BCAR3: variants seen among roughly 807,000 people sequenced by gnomAD.
The protein encoded by BCAR3 is breast cancer anti-estrogen resistance protein 3.
A neutral mutation model predicts 80.1 loss-of-function variants in BCAR3; 37 were observed. That is an observed-to-expected ratio of 0.46 (90% confidence interval 0.36 to 0.61). The LOEUF (loss-of-function observed/expected upper bound fraction) is 0.61, where lower values mean the gene tolerates loss of function less well. Ranked by LOEUF, BCAR3 falls within the 20% of genes least tolerant of loss-of-function variation. BCAR3 has a pLI of 0.00. For synonymous variants in BCAR3, 389 were observed against 418.9 expected (o/e 0.93, Z 0.87); for missense variants, 978 against 1,068.2 (o/e 0.92, Z 1.18).
chr1:93,703,988 T>G (rs1649739950), intron 3 of BCAR3, among the ~76,000 whole-genome samples: 1 of 152,228 alleles, frequency 6.6e-6, no homozygotes, highest in Non-Finnish European at 1.5e-5. Flanking sequence ...AATTAAACAT[T>G]CAGTTATTCA....
chr1:93,824,358 T>C (rs1024776517), intron 2 of BCAR3, among the ~76,000 whole-genome samples: 2 of 134,254 alleles, frequency 1.5e-5, no homozygotes, highest in Middle Eastern at 7.8e-3. Flanking sequence ...TCTAAAGCAC[T>C]GTTGGCACTG....
At chr1:93,695,380 C>T (rs1214635415) in intron 3 of BCAR3, among the ~76,000 whole-genome samples, 1 of 152,156 alleles carries the variant, frequency 6.6e-6, no homozygotes, top group Non-Finnish European at 1.5e-5. Context: ...CACTCCTTTT[C>T]CCCCTACAAT....
chr1:93,705,539 A>G (rs552145336), intron 3 of BCAR3, among the ~76,000 whole-genome samples: 1 of 152,340 alleles, frequency 6.6e-6, no homozygotes, highest in Admixed American at 6.5e-5. Flanking sequence ...CACTAGGGTT[A>G]AGAGGAGCAA....
Position 93,837,745 on chromosome 1 carries a change from GGAGC to G in BCAR3, c.-63+7818_-63+7821del, listed in dbSNP as rs148875618. Among the ~76,000 whole-genome samples the G allele has an allele frequency of 8.7e-3, 1,330 of 152,240 alleles. 17 individuals are homozygous for G. The highest frequency in any genetic ancestry group is 0.031 in the African/African-American group (1,287 of 41,534). On this transcript the variant is annotated intron_variant, in intron 2 of 13. Coordinates refer to the BCAR3 transcript ENST00000370244. ...TTCTTTGTTTTCTGGCTTGCAACTT[GGAGC>G]CACATTCTCACATTCTAGGTGCCAT...
intron 2 of BCAR3, among the ~76,000 whole-genome samples, chr1:93,778,799 C>T (rs1004797898): frequency 3.9e-5 from 6 of 152,108 alleles, no homozygotes; most frequent in Non-Finnish European, 7.4e-5. Flanking sequence ...TATCATTTCT[C>T]GAGGGAAGCC....
At chr1:93,805,964 C>A in intron 2 of BCAR3, among the ~76,000 whole-genome samples, 1 of 151,460 alleles carries the variant, frequency 6.6e-6, no homozygotes, top group African/African-American at 2.4e-5. Flanking sequence ...ATATGGTTTC[C>A]AAAATAACAA....
At chr1:93,624,831 G>C (rs960992713) in intron 3 of BCAR3, among the ~76,000 whole-genome samples, 3 of 152,252 alleles carry the variant, frequency 2.0e-5, no homozygotes, top group South Asian at 4.1e-4. Context: ...GGGATGACAG[G>C]CCACACAGAA....
chr1:93,565,104 T>C (rs1437673420), intron 11 of BCAR3, among the ~76,000 whole-genome samples: 1 of 152,140 alleles, frequency 6.6e-6, no homozygotes, highest in Non-Finnish European at 1.5e-5. Context: ...TGGTGACTTT[T>C]TTTTTTTTTG....
intron 3 of BCAR3, among the ~76,000 whole-genome samples, chr1:93,623,677 G>A (rs1277787141): frequency 6.6e-6 from 1 of 152,146 alleles, no homozygotes; most frequent in South Asian, 2.1e-4. Flanking sequence ...ATCAACCCAG[G>A]CCACTCCACC....
In BCAR3 at chr1:93,564,479, C is replaced by T. The variant is rs529038184; in HGVS notation, c.2300-2060G>A. 2.2e-4 allele frequency among the ~76,000 whole-genome samples: 33 copies of T among 151,724 alleles called. No individual in the cohort carries two copies. In the East Asian group the frequency reaches 5.9e-3, roughly 27 times the overall value. ...TTTTAGTAGAGACGGGGTTTCTCCA[C>T]GTTGGTCAGGCTGGTCTTGAACTCC... On this transcript the variant is annotated intron_variant, in intron 11 of 11. Coordinates refer to ENST00000260502, the MANE Select transcript of BCAR3 (RefSeq NM_003567.4).
At chr1:93,585,814 C>A (rs1039523926) in intron 5 of BCAR3, among the ~76,000 whole-genome samples, 3 of 152,292 alleles carry the variant, frequency 2.0e-5, no homozygotes, top group Non-Finnish European at 4.4e-5. Flanking sequence ...TCATGGCTCA[C>A]TGCAGCTTCA....
At chr1:93,796,499 TC>T in intron 2 of BCAR3, among the ~76,000 whole-genome samples, 1 of 149,172 alleles carries the variant, frequency 6.7e-6, no homozygotes, top group Non-Finnish European at 1.5e-5. Context: ...AGGCAATGCC[TC>T]CCCCTGCTTC....
Position 93,571,727 on chromosome 1 carries a change from A to C in BCAR3, c.1917T>G (p.Asp639Glu), listed in dbSNP as rs139804620. ...KIIQVAVELK[D>E]SMGDLYSFSA... The stretch of plus-strand genomic sequence containing the variant: ...AGAAGGAATAGAGGTCCCCCATGGA[A>C]TCCTTCAGTTCCACCGCCACCTGGA... Residue 639 changes from aspartate (D) to glutamate (E), a missense_variant, in exon 9 of 12, where the codon GAT becomes GAG. By Grantham distance (45) the Asp-to-Glu change is conservative (BLOSUM62 2). Coordinates refer to ENST00000260502, the MANE Select transcript of BCAR3 (RefSeq NM_003567.4). 4 of 1,614,104 alleles carry C rather than the reference A, an allele frequency of 2.5e-6. No homozygotes were observed. Among genetic ancestry groups the C allele is most frequent in the Non-Finnish European group, 3.4e-6 (4 of 1,180,010 alleles).
At chr1:93,829,270 A>G (rs556825460) in intron 2 of BCAR3, among the ~76,000 whole-genome samples, 1 of 152,176 alleles carries the variant, frequency 6.6e-6, no homozygotes, top group African/African-American at 2.4e-5. Context: ...TTATGCAAAT[A>G]TGGCCTCCAC....
chr1:93,735,684 A>T (rs1398382737), intron 2 of BCAR3, among the ~76,000 whole-genome samples: 6 of 152,252 alleles, frequency 3.9e-5, no homozygotes, highest in Non-Finnish European at 7.3e-5. Context: ...TTACAGGCCC[A>T]TGAAAAGCTC....
intron 2 of BCAR3, among the ~76,000 whole-genome samples, chr1:93,712,529 A>G (rs1650059297): frequency 6.6e-6 from 1 of 152,098 alleles, no homozygotes. Context: ...AAAAGTGCTC[A>G]CTGTCTAGGT....
chr1:93,574,543 G>C (rs1673369681), intron 8 of BCAR3, among the ~76,000 whole-genome samples: 1 of 152,200 alleles, frequency 6.6e-6, no homozygotes, highest in Non-Finnish European at 1.5e-5. Flanking sequence ...ACAGCCAAGA[G>C]AGAAGCCCCA....
upstream of BCAR3, chr1:93,847,917 G>A: frequency 4.0e-6 from 1 of 248,402 alleles, no homozygotes; most frequent in South Asian, 4.1e-5. Flanking sequence ...CGGCGGCGGC[G>A]GCGGCGAAGG....
chr1:93,678,289 T>C (rs1648587488), intron 1 of BCAR3, among the ~76,000 whole-genome samples: 2 of 152,188 alleles, frequency 1.3e-5, no homozygotes, highest in African/African-American at 4.8e-5. Context: ...CAGAATTCAA[T>C]GATGATGAAG....
Sources: gnomAD v4.1 joint callset for allele counts (sites outside exome capture counted in the v4.1 genomes callset) on GRCh38, gnomAD v4.1.1 for gene constraint, MANE v1.5 for transcripts, NCBI Gene and HGNC (gene_info 2026-07-23, HGNC 2026-07-21) for gene names.